Variants in KDM5D observed in about 807,000 individuals in gnomAD.
The protein encoded by KDM5D is lysine-specific demethylase 5D.
Under a neutral mutation model 31.9 loss-of-function variants are expected in KDM5D, and 25 were observed. The observed-to-expected ratio is 0.78, with a 90% CI of 0.57 to 1.09. KDM5D has a LOEUF of 1.09. Ranked by LOEUF, KDM5D falls within the 50% of genes least tolerant of loss-of-function variation. The probability of loss-of-function intolerance (pLI) is 0.00; values close to 1 mark genes in which losing one functional copy is unlikely to be tolerated. For synonymous variants in KDM5D, 146 were observed against 122.3 expected, an observed-to-expected ratio of 1.19 and a Z score of -1.28; for missense variants, 366 against 341.6, an observed-to-expected ratio of 1.07 and a Z score of -0.56.
chrY:19,720,154 G>T (rs2045381959), intron 13 of KDM5D, among the ~76,000 whole-genome samples: 1 of 32,967 alleles, frequency 3.0e-5, no homozygotes, highest in Non-Finnish European at 7.5e-5. Flanking sequence ...GAATCAGAAA[G>T]CAAGACAAAT....
intron 11 of KDM5D, among the ~76,000 whole-genome samples, chrY:19,725,453 C>G: frequency 3.0e-5 from 1 of 33,124 alleles, no homozygotes; most frequent in Non-Finnish European, 7.5e-5. Flanking sequence ...CACAAACAAG[C>G]AATGGGCTTA....
intron 11 of KDM5D, among the ~76,000 whole-genome samples, chrY:19,725,137 A>G (rs775737249): frequency 8.0e-3 from 268 of 33,614 alleles, no homozygotes; most frequent in African/African-American, 0.03. Flanking sequence ...ATACTGCCCA[A>G]AGTAACTTAC....
chrY:19,724,235 A>G (rs2045413968), intron 11 of KDM5D, among the ~76,000 whole-genome samples: 1 of 33,005 alleles, frequency 3.0e-5, no homozygotes, highest in African/African-American at 1.2e-4. Flanking sequence ...GATCAGGAAA[A>G]ATAACTAATG....
intron 8 of KDM5D, among the ~76,000 whole-genome samples, chrY:19,733,437 AAAATAT>A (rs2045486370): frequency 9.3e-5 from 3 of 32,432 alleles, no homozygotes; most frequent in African/African-American, 2.4e-4. Context: ...AAACTGTGTG[AAAATAT>A]AAATATATTT....
chrY:19,709,968 G>A lies in KDM5D; in HGVS notation c.2584-159C>T. On this transcript the variant is annotated intron_variant, in intron 19 of 26. Transcript: ENST00000317961. ...CATGATCTATCTGATAATAACAAAG[G>A]CCCTCTGTTTACCTAGAATGACATT... 1.2e-5 allele frequency: 4 copies of A among 343,214 alleles called. No homozygotes were observed. The Admixed American group carries it at 4.9e-4, about 42-fold the overall frequency. The allele number at this position is 343,214 out of a possible 400,897, so 85.6% of individuals were successfully genotyped here. A position where few individuals can be genotyped will look rare whatever the true frequency, so the allele number is the denominator to read the frequency against.
Position 19,743,191 on chromosome Y carries a change from G to T in KDM5D, c.199C>A (p.Pro67Thr). The T allele has an allele frequency of 2.5e-6, 1 of 392,917 alleles. No homozygotes were observed. The highest frequency in any genetic ancestry group is 3.6e-6 in the Non-Finnish European group (1 of 279,255). The stretch of plus-strand genomic sequence containing the variant: ...AGTTCATTTAGCCTTTGGACGCGAG[G>T]AGTAAATCTGAAATTGTCAACTTCT... ...AVEVDNFRFT[P>T]RVQRLNELEA... The change falls in exon 3 of 27, where the codon CCT becomes ACT. Residue 67 changes from proline (P) to threonine (T), a missense_variant. Physicochemically the swap from Pro to Thr is conservative, Grantham distance 38. Transcript: ENST00000317961.
chrY:19,713,217 C>T, intron 18 of KDM5D, among the ~76,000 whole-genome samples: 1 of 33,508 alleles, frequency 3.0e-5, no homozygotes, highest in African/African-American at 1.2e-4. Flanking sequence ...CCATAAATGC[C>T]CTGGAAGACA....
chrY:19,705,039 G>A lies in KDM5D; in HGVS notation c.*956C>T. The A allele has an allele frequency of 3.0e-5, 1 of 33,662 alleles. No homozygotes were observed. Among genetic ancestry groups the A allele is most frequent in the African/African-American group, 1.2e-4 (1 of 8,605 alleles). The allele number at this position is 33,662 out of a possible 400,897, so 8.4% of individuals were successfully genotyped here. ...AAAGTGAGATGAATCTGTCTACCCT[G>A]ATGTAAGACTTATTATAAAGCGACT... On this transcript the variant is annotated 3_prime_UTR_variant, in exon 27 of 27. Coordinates refer to ENST00000317961, the MANE Select transcript of KDM5D (RefSeq NM_004653.5).
intron 18 of KDM5D, among the ~76,000 whole-genome samples, chrY:19,712,945 T>C (rs2045309002): frequency 2.9e-5 from 1 of 34,128 alleles, no homozygotes; most frequent in Non-Finnish European, 7.3e-5. Flanking sequence ...AATTAAATGT[T>C]TACAAAAACA....
chrY:19,732,027 C>T lies in KDM5D; in HGVS notation c.1212+19G>A. On this transcript the variant is annotated intron_variant, in intron 10 of 26. Coordinates refer to ENST00000317961, the MANE Select transcript of KDM5D (RefSeq NM_004653.5). ...CTACCACAACAGAATCCCTATAGTC[C>T]AGCCCTCAGATCACATACATGTACA... 2.5e-6 allele frequency: 1 copy of T among 397,623 alleles called. No homozygotes were observed.
In KDM5D at chrY:19,708,420, C is replaced by G; in HGVS notation, c.3085G>C (p.Gly1029Arg). 1 of 377,897 alleles carries G rather than the reference C, an allele frequency of 2.6e-6. No individual in the cohort carries two copies. The allele number at this position is 377,897 out of a possible 400,897, so 94.3% of individuals were successfully genotyped here. ...TCATCTAGACAGGGGTAGTGGTCAC[C>G]ATTCTGGAATAGGGGAAAGAAACTT... ...WIADVDEIQNGDHYPCLDDLE... is the reference protein window; with the variant it reads ...WIADVDEIQNRDHYPCLDDLE... The change falls in exon 22 of 27, where the codon GGT becomes CGT. Residue 1029 changes from glycine to arginine, a missense_variant. By Grantham distance (125) the Gly-to-Arg change is moderately radical. Transcript: ENST00000317961.
chrY:19,706,351 A>G lies in KDM5D; in HGVS notation c.4270-6T>C. The G allele has an allele frequency of 2.6e-6, 1 of 387,985 alleles. No individual in the cohort carries two copies. The highest frequency in any genetic ancestry group is 3.6e-6 in the Non-Finnish European group (1 of 277,137). On this transcript the variant is annotated splice_polypyrimidine_tract_variant and splice_region_variant and intron_variant, in intron 26 of 26. Coordinates refer to ENST00000317961, the MANE Select transcript of KDM5D (RefSeq NM_004653.5). ...TGATGTTCAAATTTTTCCAGCTGCA[A>G]TCATACCCACACAAGGCGAAAAACG...
chrY:19,733,002 G>C (rs753355545), intron 8 of KDM5D, among the ~76,000 whole-genome samples: 2 of 33,601 alleles, frequency 6.0e-5, no homozygotes, highest in South Asian at 1.3e-3. Flanking sequence ...GTATAAAGCA[G>C]CATAGATCAG....
At chrY:19,715,293 C>T in intron 18 of KDM5D, 59 bp downstream of exon 18, 1 of 335,001 alleles carries the variant, frequency 3.0e-6, no homozygotes, top group Non-Finnish European at 4.4e-6. Context: ...ATAGTCTATC[C>T]ATTTTTGTTA....
intron 18 of KDM5D, 138 bp from the exon 19 acceptor site, chrY:19,710,610 AT>A: frequency 5.9e-6 from 1 of 168,329 alleles, no homozygotes; most frequent in Non-Finnish European, 1.1e-5. Flanking sequence ...ACAAGTTAAG[AT>A]TTGAAAAAAC....
At chrY:19,718,622 C>T in intron 13 of KDM5D, among the ~76,000 whole-genome samples, 1 of 33,755 alleles carries the variant, frequency 3.0e-5, no homozygotes, top group Non-Finnish European at 7.3e-5. Context: ...GGTTGCACAA[C>T]ACTGTGAATG....
chrY:19,741,799 T>A lies in KDM5D; in HGVS notation c.287A>T (p.Gln96Leu). 2.6e-6 allele frequency: 1 copy of A among 390,506 alleles called. No individual in the cohort carries two copies. Among genetic ancestry groups the A allele is most frequent in the Non-Finnish European group, 3.6e-6 (1 of 276,234 alleles). Residue 96 changes from glutamine (Q) to leucine (L), a missense_variant, in exon 4 of 27, where the codon CAA becomes CTA. Physicochemically the swap from Gln to Leu is moderately radical, Grantham distance 113. Transcript: ENST00000317961. ...ATTGGGAATCTTTAAAGAGGAGCCTTGAATTTCCCAGAATTTTGCAATCTG... is the reference window on the plus strand; with the variant it reads ...ATTGGGAATCTTTAAAGAGGAGCCTAGAATTTCCCAGAATTTTGCAATCTG... ...LDQIAKFWEI[Q>L]GSSLKIPNVE...
At chrY:19,740,721 C>T in intron 5 of KDM5D, among the ~76,000 whole-genome samples, 3 of 32,791 alleles carry the variant, frequency 9.1e-5, no homozygotes, top group African/African-American at 3.6e-4. Context: ...TGGTGGCTCC[C>T]GTCTGTAATC....
rs2045549926 is a variant in KDM5D at position 19,741,392 on chromosome Y, CA to C, written c.447del (p.Ile149MetfsTer37). The C allele has an allele frequency of 2.5e-6, 1 of 395,214 alleles. No individual in the cohort carries two copies. Among genetic ancestry groups the C allele is most frequent in the Admixed American group, 7.5e-5 (1 of 13,268 alleles). ...QRLHYPPGKN[I>X]GSLLRSHYER... is the part of the protein sequence containing the mutation. ...TCGTAATGTGATCGTAGCAGGGAGCCAATGTTTTTGCCTGGTGGGTAGTGGA... is the reference window on the plus strand; with the variant it reads ...TCGTAATGTGATCGTAGCAGGGAGCCATGTTTTTGCCTGGTGGGTAGTGGA... On this transcript the variant is annotated frameshift_variant, in exon 5 of 27. Coordinates refer to ENST00000317961, the MANE Select transcript of KDM5D (RefSeq NM_004653.5). LOFTEE classifies it high-confidence loss of function.
Sources: gnomAD v4.1 joint callset for allele counts (sites outside exome capture counted in the v4.1 genomes callset) on GRCh38, gnomAD v4.1.1 for gene constraint, MANE v1.5 for transcripts, NCBI Gene and HGNC (gene_info 2026-07-23, HGNC 2026-07-21) for gene names.